PRKCH: variants seen among roughly 807,000 people sequenced by gnomAD.
The protein encoded by PRKCH is protein kinase C eta type.
In PRKCH, 28 loss-of-function variants were observed where a neutral mutation model predicts 82.5. The observed-to-expected ratio is 0.34, with a 90% CI of 0.25 to 0.47. The LOEUF is 0.47. Among genes scored for constraint, PRKCH ranks in the 20% least tolerant of loss-of-function variants. The probability of loss-of-function intolerance (pLI) is 1.00; values close to 1 mark genes in which losing one functional copy is unlikely to be tolerated. For synonymous variants in PRKCH, 322 were observed against 327.4 expected (o/e 0.98, Z 0.18); for missense variants, 705 against 881.8 (o/e 0.80, Z 2.54).
chr14:61,548,139 A>G (rs745840605), intron 13 of PRKCH, among the ~76,000 whole-genome samples: 15 of 152,214 alleles, frequency 9.9e-5, no homozygotes, highest in Non-Finnish European at 2.1e-4. Flanking sequence ...CTCAACCTAA[A>G]TTAAAATCTT....
chr14:61,421,596 A>G (rs902021137), intron 2 of PRKCH, among the ~76,000 whole-genome samples: 1 of 152,126 alleles, frequency 6.6e-6, no homozygotes, highest in Non-Finnish European at 1.5e-5. Context: ...CTCCTACCAG[A>G]CCTTCATATT....
chr14:61,433,806 A>T (rs1883539447), intron 2 of PRKCH, among the ~76,000 whole-genome samples: 1 of 152,240 alleles, frequency 6.6e-6, no homozygotes. Context: ...AGTATAACAT[A>T]CATCATTAAT....
chr14:61,267,649 T>C (rs906099954), intron 1 of PRKCH, among the ~76,000 whole-genome samples: 13 of 152,222 alleles, frequency 8.5e-5, no homozygotes, highest in African/African-American at 3.1e-4. Flanking sequence ...AAAAATTCCA[T>C]TTTCTTCTCA....
At chr14:61,374,430 CA>C (rs1258199685) in intron 1 of PRKCH, among the ~76,000 whole-genome samples, 1 of 152,140 alleles carries the variant, frequency 6.6e-6, no homozygotes, top group Non-Finnish European at 1.5e-5. Context: ...TTCAGCCCCA[CA>C]TTTCCCCTTT....
intron 1 of PRKCH, among the ~76,000 whole-genome samples, chr14:61,315,901 C>T (rs12433506): frequency 0.039 from 5,929 of 152,008 alleles, 194 homozygotes; most frequent in East Asian, 0.14. Context: ...GGACATACCA[C>T]CACGCCCAGC....
chr14:61,545,578 GT>G (rs1271396762), intron 12 of PRKCH, among the ~76,000 whole-genome samples: 5 of 151,832 alleles, frequency 3.3e-5, no homozygotes, highest in Admixed American at 2.0e-4. Context: ...CTTTTGGTTT[GT>G]TTTTTTTGTA....
intron 1 of PRKCH, among the ~76,000 whole-genome samples, chr14:61,197,717 A>T (rs1406025474): frequency 6.6e-6 from 1 of 152,136 alleles, no homozygotes; most frequent in African/African-American, 2.4e-5. Context: ...CACGTTGGGG[A>T]TTAAGTTTCA....
At chr14:61,362,971 T>C (rs1316342972) in intron 1 of PRKCH, among the ~76,000 whole-genome samples, 1 of 152,206 alleles carries the variant, frequency 6.6e-6, no homozygotes, top group Non-Finnish European at 1.5e-5. Context: ...AGGGCAAGAC[T>C]TCCTGGAGAA....
At chr14:61,319,892 C>A (rs951504745), upstream of PRKCH, among the ~76,000 whole-genome samples, 4 of 152,354 alleles carry the variant, frequency 2.6e-5, no homozygotes, top group African/African-American at 4.8e-5. Context: ...CCCTTTCCCC[C>A]CTGGCCCATT....
chr14:61,370,946 G>A (rs1004337506), intron 1 of PRKCH, among the ~76,000 whole-genome samples: 1 of 152,040 alleles, frequency 6.6e-6, no homozygotes, highest in Non-Finnish European at 1.5e-5. Context: ...TGGGACAGGG[G>A]ATGACTTAAC....
rs138153357 is a variant in PRKCH at position 61,348,510 on chromosome 14, G to T, written c.363+26046G>T. 1.3e-3 allele frequency among the ~76,000 whole-genome samples: 197 copies of T among 152,352 alleles called. 1 individual carries two copies. Among genetic ancestry groups the T allele is most frequent in the African/African-American group, 4.5e-3 (188 of 41,572 alleles). Reference sequence around the variant, plus strand: ...CACTTTTCTGTTTAGACTGTGTTTAGATGGAGGGAAGCTTCTTCAGTTCTT... The same window carrying T: ...CACTTTTCTGTTTAGACTGTGTTTATATGGAGGGAAGCTTCTTCAGTTCTT... On this transcript the variant is annotated intron_variant, in intron 1 of 13. Transcript: ENST00000332981.
rs139130338 is a variant in PRKCH at position 61,468,354 on chromosome 14, A to C, written c.1278+10675A>C. Among the ~76,000 whole-genome samples, 345 of 152,224 alleles carry C rather than the reference A, an allele frequency of 2.3e-3. 2 individuals are homozygous for C. The highest frequency in any genetic ancestry group is 8.1e-3 in the African/African-American group (336 of 41,532). On this transcript the variant is annotated intron_variant, in intron 9 of 13. Coordinates refer to ENST00000332981, the MANE Select transcript of PRKCH (RefSeq NM_006255.5). ...TGTTCCATCTTTTTTTTAGGTTATT[A>C]ATTGTGGATTTATTTCCATAGTAAG...
intron 1 of PRKCH, among the ~76,000 whole-genome samples, chr14:61,282,360 C>T (rs2045279099): frequency 1.3e-5 from 2 of 151,268 alleles, no homozygotes; most frequent in South Asian, 4.2e-4. Context: ...CTAAATCTTC[C>T]CTAGGTATTG....
intron 10 of PRKCH, among the ~76,000 whole-genome samples, chr14:61,516,885 A>G (rs995397686): frequency 4.6e-5 from 7 of 152,182 alleles, no homozygotes; most frequent in Non-Finnish European, 7.3e-5. Flanking sequence ...TAATTAGAGA[A>G]CCAAGCAATA....
chr14:61,439,915 G>T (rs1358499917), intron 2 of PRKCH, among the ~76,000 whole-genome samples: 1 of 152,188 alleles, frequency 6.6e-6, no homozygotes, highest in African/African-American at 2.4e-5. Context: ...AAAAAAATAG[G>T]ATTCAGTTGA....
Position 61,276,726 on chromosome 14 carries a change from C to A in PRKCH, c.-19+89058C>A, listed in dbSNP as rs74650929. On this transcript the variant is annotated intron_variant, in intron 1 of 3. Transcript: ENST00000555185. ...TCCAAGGAACTAGTTGATGACCTTG[C>A]AGCTCTACCAGCAACTTAGAGAGTT... Among the ~76,000 whole-genome samples the A allele has an allele frequency of 6.3e-4, 91 of 144,170 alleles. 2 individuals carry two copies. In the East Asian group the frequency reaches 0.017, roughly 27 times the overall value. The allele number at this position is 144,170 out of a possible 152,430, so 94.6% of individuals were successfully genotyped here.
intron 1 of PRKCH, among the ~76,000 whole-genome samples, chr14:61,352,617 T>C (rs530682680): frequency 2.8e-5 from 4 of 145,046 alleles, no homozygotes; most frequent in South Asian, 4.3e-4. Flanking sequence ...TGAGCTGAGA[T>C]TGACAGAGCG....
At chr14:61,256,355 G>A (rs1324876073) in intron 1 of PRKCH, among the ~76,000 whole-genome samples, 6 of 152,060 alleles carry the variant, frequency 3.9e-5, no homozygotes, top group African/African-American at 9.7e-5. Context: ...CCATTTTCCA[G>A]TTGCTAACCT....
intron 1 of PRKCH, among the ~76,000 whole-genome samples, chr14:61,199,600 C>T (rs1357601633): frequency 1.4e-5 from 2 of 144,092 alleles, no homozygotes; most frequent in African/African-American, 5.1e-5. Context: ...ACTATGCTTG[C>T]TTCACTTGTT....
Sources: gnomAD v4.1 joint callset for allele counts (sites outside exome capture counted in the v4.1 genomes callset) on GRCh38, gnomAD v4.1.1 for gene constraint, MANE v1.5 for transcripts, NCBI Gene and HGNC (gene_info 2026-07-23, HGNC 2026-07-21) for gene names.